Variants in CSGALNACT1 observed in about 807,000 individuals in gnomAD.
CSGALNACT1 encodes the protein beta4GalNAcT-1.
In CSGALNACT1, 52 loss-of-function variants were observed where a neutral mutation model predicts 51.0. The observed-to-expected ratio is 1.02, with a 90% CI of 0.82 to 1.29. CSGALNACT1 has a LOEUF of 1.29. Ranked by LOEUF, CSGALNACT1 falls within the 50% of genes most tolerant of loss-of-function variation. The probability of loss-of-function intolerance (pLI) is 0.00; values close to 1 mark genes in which losing one functional copy is unlikely to be tolerated. For synonymous variants in CSGALNACT1, 341 were observed against 254.4 expected (o/e 1.34, Z -3.24); for missense variants, 935 against 679.2 (o/e 1.38, Z -4.19).
intron 3 of CSGALNACT1, among the ~76,000 whole-genome samples, chr8:19,583,876 A>G (rs1379454546): frequency 6.6e-6 from 1 of 152,134 alleles, no homozygotes; most frequent in Non-Finnish European, 1.5e-5. Flanking sequence ...TTGCCCACAT[A>G]CTCATACTTT....
chr8:19,593,458 G>C (rs1283445922), intron 2 of CSGALNACT1, among the ~76,000 whole-genome samples: 1 of 152,190 alleles, frequency 6.6e-6, no homozygotes, highest in Non-Finnish European at 1.5e-5. Flanking sequence ...GTCTGGAGTG[G>C]GGCCTGGGGC....
At chr8:19,663,425 C>G (rs973535182) in intron 1 of CSGALNACT1, among the ~76,000 whole-genome samples, 5 of 152,174 alleles carry the variant, frequency 3.3e-5, no homozygotes, top group African/African-American at 1.2e-4. Context: ...TAAATATATT[C>G]AGAGCAAATT....
chr8:19,485,192 A>G (rs1407151568), intron 4 of CSGALNACT1, among the ~76,000 whole-genome samples: 2 of 152,052 alleles, frequency 1.3e-5, no homozygotes, highest in Admixed American at 6.6e-5. Context: ...TTACACACAC[A>G]TATACCCCAT....
At chr8:19,404,218 G>A (rs1255490533) in exon 10 of CSGALNACT1, 1 of 398,408 alleles carries the variant, frequency 2.5e-6, no homozygotes, top group Admixed American at 2.9e-5. Context: ...TTCATGGCCT[G>A]TGTTTTAATT....
At chr8:19,534,147 A>G (rs2083305043) in intron 3 of CSGALNACT1, among the ~76,000 whole-genome samples, 1 of 152,172 alleles carries the variant, frequency 6.6e-6, no homozygotes, top group Non-Finnish European at 1.5e-5. Context: ...TCATAGTTCA[A>G]TGTAATATTA....
At chr8:19,581,026 G>T (rs1038010003) in intron 3 of CSGALNACT1, among the ~76,000 whole-genome samples, 14 of 152,134 alleles carry the variant, frequency 9.2e-5, no homozygotes, top group Non-Finnish European at 4.4e-5. Context: ...AAAAAGTAAT[G>T]TACGTGTAAC....
intron 1 of CSGALNACT1, among the ~76,000 whole-genome samples, chr8:19,621,897 T>A (rs559781234): frequency 1.3e-5 from 2 of 152,388 alleles, no homozygotes; most frequent in South Asian, 4.1e-4. Flanking sequence ...CACAATTTTT[T>A]GTGCTATTCA....
chr8:19,489,604 G>C (rs376216896), intron 4 of CSGALNACT1, among the ~76,000 whole-genome samples: 1 of 152,098 alleles, frequency 6.6e-6, no homozygotes, highest in Non-Finnish European at 1.5e-5. Flanking sequence ...TATGAGAAAG[G>C]GTCCCTCATT....
chr8:19,542,238 G>C (rs906320991), intron 3 of CSGALNACT1, among the ~76,000 whole-genome samples: 4 of 87,330 alleles, frequency 4.6e-5, no homozygotes, highest in South Asian at 4.7e-4. Context: ...CACACACACA[G>C]GGTTATTATT....
chr8:19,705,662 G>A (rs771499175), intron 1 of CSGALNACT1, among the ~76,000 whole-genome samples: 2 of 152,086 alleles, frequency 1.3e-5, no homozygotes, highest in African/African-American at 2.4e-5. Context: ...GCCTGAGCCG[G>A]GGAGGGGGAG....
At chr8:19,542,200 A>AACACACAC (rs55968136) in intron 3 of CSGALNACT1, among the ~76,000 whole-genome samples, 13,237 of 143,908 alleles carry the variant, frequency 0.092, 597 homozygotes, top group Middle Eastern at 0.13. Context: ...CAGCACAAGA[A>AACACACAC]ACACACACAC....
intron 4 of CSGALNACT1, among the ~76,000 whole-genome samples, chr8:19,485,065 T>C (rs1195908723): frequency 4.6e-5 from 7 of 152,174 alleles, no homozygotes; most frequent in Admixed American, 2.0e-4. Flanking sequence ...GGCTTTCAGA[T>C]TGTGATGCCC....
At chr8:19,418,713 G>A in exon 8 of CSGALNACT1, 1 of 1,613,548 alleles carries the variant, frequency 6.2e-7, no homozygotes, top group African/African-American at 1.3e-5. Context: ...TGCCAGGATT[G>A]TACTGACTGA....
chr8:19,503,743 G>C (rs940197097), intron 4 of CSGALNACT1, among the ~76,000 whole-genome samples: 13 of 151,250 alleles, frequency 8.6e-5, no homozygotes, highest in African/African-American at 3.2e-4. Context: ...GTTAGCTCCT[G>C]AACATTCTAG....
At chr8:19,589,561 C>T (rs2047369484) in intron 3 of CSGALNACT1, among the ~76,000 whole-genome samples, 2 of 152,122 alleles carry the variant, frequency 1.3e-5, no homozygotes, top group African/African-American at 4.8e-5. Context: ...GAACTCCCGA[C>T]CTCAAGTGAC....
At chr8:19,622,152 C>T (rs2053902534) in intron 1 of CSGALNACT1, among the ~76,000 whole-genome samples, 1 of 152,184 alleles carries the variant, frequency 6.6e-6, no homozygotes, top group African/African-American at 2.4e-5. Context: ...TAATGCACTC[C>T]ATTGTTTCAC....
At chr8:19,612,073 T>A (rs767360544) in intron 1 of CSGALNACT1, among the ~76,000 whole-genome samples, 3 of 152,164 alleles carry the variant, frequency 2.0e-5, no homozygotes, top group South Asian at 4.1e-4. Context: ...ACCAGCACAG[T>A]GGTTCACGCC....
At chr8:19,649,844 A>AAAAAAAAAAAAAACC in intron 1 of CSGALNACT1, among the ~76,000 whole-genome samples, 1 of 141,934 alleles carries the variant, frequency 7.0e-6, no homozygotes, top group African/African-American at 2.6e-5. Context: ...AAAAAAAAAA[A>AAAAAAAAAAAAAACC]ACCACGGGGG....
intron 3 of CSGALNACT1, among the ~76,000 whole-genome samples, chr8:19,567,488 G>C (rs2042131823): frequency 6.6e-6 from 1 of 152,198 alleles, no homozygotes; most frequent in African/African-American, 2.4e-5. Flanking sequence ...TCCTTAATCT[G>C]ATGAAGGGTA....
Sources: gnomAD v4.1 joint callset for allele counts (sites outside exome capture counted in the v4.1 genomes callset) on GRCh38, gnomAD v4.1.1 for gene constraint, MANE v1.5 for transcripts, NCBI Gene and HGNC (gene_info 2026-07-23, HGNC 2026-07-21) for gene names.